SLC30A4: variants seen among roughly 807,000 people sequenced by gnomAD.
SLC30A4 encodes probable proton-coupled zinc antiporter SLC30A4.
SLC30A4 carries 20 observed loss-of-function variants against 41.7 expected under a neutral mutation model. The observed-to-expected ratio is 0.48, with a 90% CI of 0.34 to 0.70. SLC30A4 has a LOEUF of 0.70. Among genes scored for constraint, SLC30A4 ranks in the 30% least tolerant of loss-of-function variants. The pLI, the probability that SLC30A4 is intolerant of heterozygous loss-of-function variation, is 0.01. For missense variants in SLC30A4, 441 were observed against 529.3 expected (o/e 0.83, Z 1.64); for synonymous variants, 181 against 195.9 (o/e 0.92, Z 0.64).
chr15:45,509,087 T>C (rs1201780160), intron 3 of SLC30A4, among the ~76,000 whole-genome samples: 1 of 152,184 alleles, frequency 6.6e-6, no homozygotes, highest in Non-Finnish European at 1.5e-5. Context: ...CATTCCATGA[T>C]GATATGTTTA....
At chr15:45,495,883 C>G (rs763479389) in intron 3 of SLC30A4, among the ~76,000 whole-genome samples, 4 of 152,150 alleles carry the variant, frequency 2.6e-5, no homozygotes, top group Non-Finnish European at 5.9e-5. Context: ...AATGATATCC[C>G]TTTTCTAGTC....
intron 2 of SLC30A4, among the ~76,000 whole-genome samples, chr15:45,518,555 G>T (rs1017205584): frequency 2.0e-5 from 3 of 151,258 alleles, no homozygotes; most frequent in African/African-American, 7.4e-5. Context: ...AGCTCATTTA[G>T]TTACTTCATT....
intron 3 of SLC30A4, among the ~76,000 whole-genome samples, chr15:45,496,302 A>G (rs1891906031): frequency 6.6e-6 from 1 of 152,210 alleles, no homozygotes; most frequent in Admixed American, 6.5e-5. Flanking sequence ...AAAACGGGCA[A>G]GATTCCGCTC....
At chr15:45,509,065 T>TA (rs11349482) in intron 3 of SLC30A4, among the ~76,000 whole-genome samples, 2 of 152,128 alleles carry the variant, frequency 1.3e-5, no homozygotes, top group East Asian at 1.9e-4. Flanking sequence ...CAAGCAGTGT[T>TA]AAAAAAATTC....
chr15:45,508,228 C>CA (rs1892200650), intron 3 of SLC30A4, among the ~76,000 whole-genome samples: 1 of 152,156 alleles, frequency 6.6e-6, no homozygotes, highest in African/African-American at 2.4e-5. Context: ...AATCTGAATT[C>CA]TGGTAAAAGT....
intron 3 of SLC30A4, among the ~76,000 whole-genome samples, chr15:45,505,744 T>C (rs1892143646): frequency 1.3e-5 from 2 of 152,120 alleles, no homozygotes; most frequent in Admixed American, 1.3e-4. Flanking sequence ...TATGAACATA[T>C]ATATGTATTT....
At chr15:45,503,207 G>A (rs1028115856) in intron 3 of SLC30A4, among the ~76,000 whole-genome samples, 1 of 151,798 alleles carries the variant, frequency 6.6e-6, no homozygotes, top group African/African-American at 2.4e-5. Flanking sequence ...TATTACAGAA[G>A]GAGAAGCAAA....
chr15:45,504,063 C>T (rs889503401), intron 3 of SLC30A4, among the ~76,000 whole-genome samples: 4 of 152,190 alleles, frequency 2.6e-5, no homozygotes, highest in African/African-American at 9.6e-5. Flanking sequence ...TTTGGAGGAA[C>T]TGAGAGGGGA....
intron 7 of SLC30A4, among the ~76,000 whole-genome samples, chr15:45,486,266 A>C (rs964586522): frequency 2.0e-5 from 3 of 151,914 alleles, no homozygotes; most frequent in East Asian, 1.9e-4. Context: ...CAGGTGATCC[A>C]CCCGCCTCAG....
intron 2 of SLC30A4, among the ~76,000 whole-genome samples, chr15:45,516,381 C>T (rs1449764643): frequency 1.3e-5 from 2 of 152,188 alleles, no homozygotes; most frequent in African/African-American, 4.8e-5. Context: ...GCTTCAGAAT[C>T]ACTGCTGTAG....
At chr15:45,515,684 A>G (rs1353005217) in intron 2 of SLC30A4, 1 of 151,716 alleles carries the variant, frequency 6.6e-6, no homozygotes, top group East Asian at 1.9e-4. Flanking sequence ...TAAATAATAA[A>G]TAATAGAAAT....
intron 3 of SLC30A4, among the ~76,000 whole-genome samples, chr15:45,501,848 T>G (rs2140831553): frequency 6.6e-6 from 1 of 152,244 alleles, no homozygotes; most frequent in East Asian, 1.9e-4. Flanking sequence ...TACCTGTTCC[T>G]GTCCCTATTT....
At chr15:45,501,610 C>G (rs1892035617) in intron 3 of SLC30A4, among the ~76,000 whole-genome samples, 1 of 152,186 alleles carries the variant, frequency 6.6e-6, no homozygotes, top group Admixed American at 6.5e-5. Context: ...AAGTGATCCT[C>G]CTGCCTCAGC....
chr15:45,516,161 C>T (rs1014637421), intron 2 of SLC30A4, among the ~76,000 whole-genome samples: 1 of 152,190 alleles, frequency 6.6e-6, no homozygotes, highest in South Asian at 2.1e-4. Flanking sequence ...TTATATCTGA[C>T]TGGCTTTTAA....
At chr15:45,488,721 C>T (rs1434558718) in intron 5 of SLC30A4, 120 bp downstream of exon 5, 3 of 728,584 alleles carry the variant, frequency 4.1e-6, no homozygotes, top group Non-Finnish European at 6.9e-6. Context: ...AGTAAACTTA[C>T]ATCAATGTAA....
Position 45,481,300 on chromosome 15 carries a change from T to C in SLC30A4, c.*3863A>G, listed in dbSNP as rs1269455928. On this transcript the variant is annotated 3_prime_UTR_variant, in exon 8 of 8. Transcript: ENST00000261867. Reference sequence around the variant, plus strand: ...AAGGCATAGCTAATGGAAATGTATGTAGGAATTACAATAGCTTCCAGTTCT... The same window carrying C: ...AAGGCATAGCTAATGGAAATGTATGCAGGAATTACAATAGCTTCCAGTTCT... 13 of 152,232 alleles carry C rather than the reference T, an allele frequency of 8.5e-5. 1 individual carries two copies. Among genetic ancestry groups the C allele is most frequent in the Non-Finnish European group, 1.9e-4 (13 of 68,046 alleles). 9.4% of individuals were successfully genotyped at this position (152,232 alleles called of 1,614,324 possible). A position where few individuals can be genotyped will look rare whatever the true frequency, so the allele number is the denominator to read the frequency against.
intron 1 of SLC30A4, 26 bp downstream of exon 1, chr15:45,522,581 G>A: frequency 4.2e-6 from 2 of 480,670 alleles, no homozygotes; most frequent in African/African-American, 2.0e-5. Flanking sequence ...GGGGCTCCGC[G>A]AGGGGGCGGC....
Position 45,487,518 on chromosome 15 carries a change from A to G in SLC30A4, c.1000+9T>C. On this transcript the variant is annotated intron_variant, in intron 6 of 7. Transcript: ENST00000261867. ...ATAAACTCATAATGAGGATATAGTG[A>G]GATCTTACCTTCTAGTATTATAACT... 1 of 1,249,502 alleles carries G rather than the reference A, an allele frequency of 8.0e-7. No individual in the cohort carries two copies. Among genetic ancestry groups the G allele is most frequent in the Non-Finnish European group, 1.2e-6 (1 of 850,364 alleles). 77.4% of individuals were successfully genotyped at this position (1,249,502 alleles called of 1,614,324 possible).
At chr15:45,515,577 T>C (rs1595532162) in intron 2 of SLC30A4, among the ~76,000 whole-genome samples, 1 of 151,866 alleles carries the variant, frequency 6.6e-6, no homozygotes, top group Admixed American at 6.6e-5. Context: ...GGCATGAACC[T>C]GGGAGGTGGA....
Sources: gnomAD v4.1 joint callset for allele counts (sites outside exome capture counted in the v4.1 genomes callset) on GRCh38, gnomAD v4.1.1 for gene constraint, MANE v1.5 for transcripts, NCBI Gene and HGNC (gene_info 2026-07-23, HGNC 2026-07-21) for gene names.